DIP2B: variants seen among roughly 807,000 people sequenced by gnomAD.
DIP2B encodes the protein disco-interacting protein 2 homolog B.
In DIP2B, 76 loss-of-function variants were observed where a neutral mutation model predicts 198.0. That is an observed-to-expected ratio of 0.38 (90% CI 0.32 to 0.46). The LOEUF is 0.46. Among genes scored for constraint, DIP2B ranks in the 20% least tolerant of loss-of-function variants. DIP2B has a pLI of 0.99. For missense variants in DIP2B, 1,559 were observed against 1,978.4 expected, an observed-to-expected ratio of 0.79 and a Z score of 4.02; for synonymous variants, 701 against 739.1, an observed-to-expected ratio of 0.95 and a Z score of 0.84.
chr12:50,696,159 A>G (rs1346548357), intron 16 of DIP2B, among the ~76,000 whole-genome samples, 192 bp downstream of exon 16: 1 of 152,218 alleles, frequency 6.6e-6, no homozygotes, highest in East Asian at 1.9e-4. Flanking sequence ...TTCATCACCC[A>G]AAAAGAAACC....
chr12:50,535,018 C>G (rs926905520), intron 1 of DIP2B, among the ~76,000 whole-genome samples: 1 of 152,026 alleles, frequency 6.6e-6, no homozygotes, highest in Non-Finnish European at 1.5e-5. Context: ...CATTTGAGCT[C>G]GGGAGTTTGA....
At chr12:50,571,027 A>G (rs539383304) in intron 1 of DIP2B, among the ~76,000 whole-genome samples, 7 of 152,320 alleles carry the variant, frequency 4.6e-5, no homozygotes, top group East Asian at 1.9e-4. Flanking sequence ...TGTAATAACA[A>G]TGAAATTAAA....
At chr12:50,595,897 C>G (rs1322327442) in intron 1 of DIP2B, among the ~76,000 whole-genome samples, 1 of 152,198 alleles carries the variant, frequency 6.6e-6, no homozygotes, top group Non-Finnish European at 1.5e-5. Flanking sequence ...CCTCCACTCT[C>G]AGTCTTGCCT....
At position 50,565,309 on chromosome 12, in the gene DIP2B, T is replaced by A. The variant is rs1005476046; in HGVS notation, c.100+60069T>A. 3.3e-5 allele frequency among the ~76,000 whole-genome samples: 5 copies of A among 152,130 alleles called. No individual in the cohort carries two copies. In the South Asian group the frequency reaches 1.0e-3, roughly 32 times the overall value. On this transcript the variant is annotated intron_variant, in intron 1 of 37. Transcript: ENST00000301180. ...ACCATGCCAGCTGGTGCCACTATTTTTTTTTTTGAGATGGGTCACTCTGTT... is the reference window on the plus strand; with the variant it reads ...ACCATGCCAGCTGGTGCCACTATTTATTTTTTTGAGATGGGTCACTCTGTT...
intron 2 of DIP2B, among the ~76,000 whole-genome samples, chr12:50,627,133 G>T (rs900774072): frequency 1.3e-5 from 2 of 152,172 alleles, no homozygotes; most frequent in African/African-American, 4.8e-5. Context: ...ATGACCTAGG[G>T]GTTGAGGAGG....
intron 1 of DIP2B, among the ~76,000 whole-genome samples, chr12:50,563,340 C>T (rs1372143880): frequency 6.6e-6 from 1 of 152,116 alleles, no homozygotes; most frequent in Non-Finnish European, 1.5e-5. Context: ...GTGCATGCCA[C>T]CAGTCCTGGC....
chr12:50,568,127 G>C (rs1333798284), intron 1 of DIP2B, among the ~76,000 whole-genome samples: 1 of 152,152 alleles, frequency 6.6e-6, no homozygotes, highest in Non-Finnish European at 1.5e-5. Flanking sequence ...TTGCTCTGCT[G>C]TTTGACTGAC....
Position 50,699,107 on chromosome 12 carries a change from T to A in DIP2B, c.2230T>A (p.Cys744Ser). 1 of 1,614,178 alleles carries A rather than the reference T, an allele frequency of 6.2e-7. No individual in the cohort carries two copies. Among genetic ancestry groups the A allele is most frequent in the Non-Finnish European group, 8.5e-7 (1 of 1,180,030 alleles). Residue 744 changes from cysteine to serine, a missense_variant, in exon 19 of 38, where the codon TGC (cysteine) becomes AGC (serine). Coordinates refer to ENST00000301180, the MANE Select transcript of DIP2B (RefSeq NM_173602.3). ...IVKPDGPPQL[C>S]KTDEIGEICV... ...GAAACCAGATGGACCTCCCCAGCTC[T>A]GCAAAACAGATGAAATTGGAGAAAT...
At chr12:50,663,555 C>CAAATAAATAAAT (rs60815215) in intron 4 of DIP2B, among the ~76,000 whole-genome samples, 68,864 of 141,472 alleles carry the variant, frequency 0.49, 17,666 homozygotes, top group East Asian at 0.79. Context: ...GACTCCGTCT[C>CAAATAAATAAAT]AAATAAATAA....
At chr12:50,539,974 T>C (rs1448349802) in intron 1 of DIP2B, among the ~76,000 whole-genome samples, 1 of 151,940 alleles carries the variant, frequency 6.6e-6, no homozygotes, top group Non-Finnish European at 1.5e-5. Flanking sequence ...TCCCCCAGCT[T>C]CTATGGCATC....
At chr12:50,629,776 C>T (rs1389369445) in intron 2 of DIP2B, among the ~76,000 whole-genome samples, 1 of 152,086 alleles carries the variant, frequency 6.6e-6, no homozygotes, top group African/African-American at 2.4e-5. Context: ...CAACATCCAA[C>T]CTGCTCCTGT....
At chr12:50,559,709 CCACA>C (rs55678718) in intron 1 of DIP2B, among the ~76,000 whole-genome samples, 160 of 139,614 alleles carry the variant, frequency 1.1e-3, no homozygotes, top group African/African-American at 3.2e-3. Context: ...GTGACAGAAA[CCACA>C]CACACACACA....
chr12:50,732,413 G>A lies in DIP2B; in HGVS notation c.3858G>A (p.Ala1286=), dbSNP rs549249246. ...GCGTCCGGACCTGTGTGGTGGTGGCGGAGGAGAGGCCCCGCGTTGCACTCC... is the reference window on the plus strand; with the variant it reads ...GCGTCCGGACCTGTGTGGTGGTGGCAGAGGAGAGGCCCCGCGTTGCACTCC... ...LSCVRTCVVV[A]EERPRVALQQ... Residue 1286 remains alanine, a synonymous_variant, in exon 32 of 38, where the codon GCG becomes GCA. Coordinates refer to ENST00000301180, the MANE Select transcript of DIP2B (RefSeq NM_173602.3). 2.0e-4 allele frequency: 324 copies of A among 1,614,198 alleles called. 3 individuals carry two copies. In the South Asian group the frequency reaches 3.0e-3, roughly 15 times the overall value.
chr12:50,554,840 T>TG (rs1189573878), intron 1 of DIP2B, among the ~76,000 whole-genome samples: 3 of 145,288 alleles, frequency 2.1e-5, no homozygotes, highest in African/African-American at 7.5e-5. Context: ...CCATCTCGAC[T>TG]CACTGCAACC....
chr12:50,682,714 C>G (rs958119215), intron 9 of DIP2B, among the ~76,000 whole-genome samples: 1 of 150,642 alleles, frequency 6.6e-6, no homozygotes, highest in Non-Finnish European at 1.5e-5. Flanking sequence ...GTTGTAGGCT[C>G]TCTCTGAGAG....
rs768591397 is a variant in DIP2B, at chr12:50,505,090, C to T, written c.-51C>T. On this transcript the variant is annotated 5_prime_UTR_variant, in exon 1 of 38. Coordinates refer to ENST00000301180, the MANE Select transcript of DIP2B (RefSeq NM_173602.3). ...GGGTGTGGGCCCGTGTCTGTCCGTCCCTCCTTCGGCCCCCTCTCTTGTCTT... is the reference window on the plus strand; with the variant it reads ...GGGTGTGGGCCCGTGTCTGTCCGTCTCTCCTTCGGCCCCCTCTCTTGTCTT... The T allele has an allele frequency of 1.4e-5, 21 of 1,494,874 alleles. No individual in the cohort carries two copies. Among genetic ancestry groups the T allele is most frequent in the Admixed American group, 1.4e-4 (7 of 50,294 alleles). 92.6% of individuals were successfully genotyped at this position (1,494,874 alleles called of 1,614,324 possible). A position where few individuals can be genotyped will look rare whatever the true frequency, so the allele number is the denominator to read the frequency against.
At chr12:50,512,497 A>G (rs1335700185) in intron 1 of DIP2B, among the ~76,000 whole-genome samples, 2 of 152,214 alleles carry the variant, frequency 1.3e-5, no homozygotes, top group African/African-American at 4.8e-5. Context: ...TTTTAGGAAT[A>G]CGATAAATTT....
At chr12:50,570,704 G>A (rs2139407149) in intron 1 of DIP2B, among the ~76,000 whole-genome samples, 1 of 152,342 alleles carries the variant, frequency 6.6e-6, no homozygotes, top group East Asian at 1.9e-4. Context: ...GTGAAACTCG[G>A]TCCCCCAACA....
chr12:50,505,038 C>G lies in DIP2B; in HGVS notation c.-103C>G, dbSNP rs1392740736. ...CGGCGGCGGCGGTGCTGGTGGTGCT[C>G]GGCGGCCGGAGCCGGATCCTGTAGC... On this transcript the variant is annotated 5_prime_UTR_variant, in exon 1 of 38. Transcript: ENST00000301180. 3 of 983,608 alleles carry G rather than the reference C, an allele frequency of 3.1e-6. No individual in the cohort carries two copies. In the South Asian group the frequency reaches 4.1e-5, roughly 13 times the overall value. 60.9% of individuals were successfully genotyped at this position (983,608 alleles called of 1,614,324 possible).
Sources: allele counts gnomAD v4.1 joint callset (sites outside exome capture counted in the v4.1 genomes callset), GRCh38; gene constraint gnomAD v4.1.1; transcripts MANE v1.5; gene names NCBI Gene and HGNC (gene_info 2026-07-23, HGNC 2026-07-21).